PXDN: variants seen among roughly 807,000 people sequenced by gnomAD.
The protein encoded by PXDN is peroxidasin homolog.
In PXDN, 77 loss-of-function variants were observed where a neutral mutation model predicts 140.3. The observed-to-expected ratio is 0.55, with a 90% confidence interval of 0.46 to 0.66. The LOEUF is 0.66. PXDN is among the 30% of genes least tolerant of loss of function. PXDN has a pLI of 0.00. For missense variants in PXDN, 1,838 were observed against 2,039.5 expected, an observed-to-expected ratio of 0.90 and a Z score of 1.90; for synonymous variants, 911 against 857.4, an observed-to-expected ratio of 1.06 and a Z score of -1.09.
intron 14 of PXDN, 68 bp from the exon 15 acceptor site, chr2:1,654,576 G>C (rs1265280370): frequency 9.8e-7 from 1 of 1,015,590 alleles, no homozygotes; most frequent in African/African-American, 1.6e-5. Context: ...ATGATGTCTA[G>C]ACACTACATC....
intron 1 of PXDN, among the ~76,000 whole-genome samples, chr2:1,720,701 ATC>A (rs140542607): frequency 0.087 from 8,337 of 96,222 alleles, 863 homozygotes; most frequent in African/African-American, 0.26. Flanking sequence ...CTCTCTCTGC[ATC>A]TCTTTCTCTC....
chr2:1,705,996 T>C (rs1035011559), intron 1 of PXDN, among the ~76,000 whole-genome samples: 18 of 97,782 alleles, frequency 1.8e-4, no homozygotes, highest in Non-Finnish European at 3.4e-4. Flanking sequence ...CCATGTGGCT[T>C]GGACACCGTC....
intron 16 of PXDN, 114 bp downstream of exon 16, chr2:1,653,514 A>C: frequency 1.4e-6 from 2 of 1,385,386 alleles, no homozygotes; most frequent in Non-Finnish European, 2.0e-6. Flanking sequence ...ACAGTTCATA[A>C]GCACAGTGGG....
intron 1 of PXDN, among the ~76,000 whole-genome samples, chr2:1,737,162 G>A (rs935988957): frequency 2.0e-5 from 3 of 152,140 alleles, no homozygotes; most frequent in African/African-American, 7.2e-5. Context: ...AGTCAGATCT[G>A]GAATAAACAA....
chr2:1,666,481 G>A lies in PXDN; in HGVS notation c.1024C>T (p.Pro342Ser), dbSNP rs951732926. The change falls in exon 10 of 23, where the codon CCC (proline) becomes TCC (serine). Residue 342 changes from proline to serine, a missense_variant. Transcript: ENST00000252804. ...TTCTGTGGCTGGATTACAAAAGTGG[G>A]TCGAGCTGTCACAATTAAACAGAAA... The part of the protein sequence containing the change: ...TLRYFGSPAR[P>S]TFVIQPQNTE... 32 of 1,590,380 alleles carry A rather than the reference G, an allele frequency of 2.0e-5. No homozygotes were observed. Among genetic ancestry groups the A allele is most frequent in the Non-Finnish European group, 2.5e-5 (29 of 1,161,278 alleles).
In PXDN at chr2:1,650,535, C is replaced by T. The variant is rs1682992131; in HGVS notation, c.2105-860G>A. Among the ~76,000 whole-genome samples, 5 of 152,184 alleles carry T rather than the reference C, an allele frequency of 3.3e-5. No individual in the cohort carries two copies. The South Asian group carries it at 1.0e-3, about 32-fold the overall frequency. On this transcript the variant is annotated intron_variant, in intron 16 of 22. Coordinates refer to ENST00000252804, the MANE Select transcript of PXDN (RefSeq NM_012293.3). ...AGTCTTCGCCTTCAAGACACCTGCT[C>T]CAAGCAACAGCTACTCCACGTCCTG... is the stretch of plus-strand genomic sequence containing the variant.
chr2:1,717,928 C>T lies in PXDN; in HGVS notation c.201-24794G>A, dbSNP rs150360023. Among the ~76,000 whole-genome samples, 13 of 151,844 alleles carry T rather than the reference C, an allele frequency of 8.6e-5. No homozygotes were observed. The East Asian group carries it at 2.5e-3, about 30-fold the overall frequency. On this transcript the variant is annotated intron_variant, in intron 1 of 22. Coordinates refer to ENST00000252804, the MANE Select transcript of PXDN (RefSeq NM_012293.3). ...TAACCGACCACCCAAAGCTATTCTACTAACCAACTACCCAAACCTGCTCTA... is the reference window on the plus strand; with the variant it reads ...TAACCGACCACCCAAAGCTATTCTATTAACCAACTACCCAAACCTGCTCTA...
chr2:1,648,614 C>T lies in PXDN; in HGVS notation c.3166G>A (p.Gly1056Ser), dbSNP rs759881927. 9 of 1,611,218 alleles carry T rather than the reference C, an allele frequency of 5.6e-6. No individual in the cohort carries two copies. The highest frequency in any genetic ancestry group is 3.3e-5 in the South Asian group (3 of 90,780). The stretch of plus-strand genomic sequence containing the variant: ...GCGTTGAAGATGCCAGCATTGATGC[C>T]GGGGTCGTAGCCGTGGTACTCTCCC... ...TLGEYHGYDP[G>S]INAGIFNAFA... The change falls in exon 17 of 23, where the codon GGC (glycine) becomes AGC (serine). Residue 1056 changes from glycine to serine, a missense_variant. By Grantham distance (56) the Gly-to-Ser change is moderately conservative (BLOSUM62 0). This residue lies in a region of PXDN where 850 missense variants were observed against 894.1 expected (regional missense o/e 0.95). Transcript: ENST00000252804. This position sits in a 1 kb window ranked among gnomAD's most constrained non-coding sequence, Gnocchi z 8.9.
In PXDN at chr2:1,639,613, C is replaced by T. The variant is rs1473638097; in HGVS notation, c.3953-191G>A. ...TGGTCTGAGGGGCCAAGCCTCTCTC[C>T]ACCTGTGCCCCAGCCCTCATGACCT... On this transcript the variant is annotated intron_variant, in intron 19 of 22. Transcript: ENST00000252804. The surrounding 1 kb of genome is among the most constrained non-coding windows in gnomAD (Gnocchi z 5.0). 6.6e-6 allele frequency among the ~76,000 whole-genome samples: 1 copy of T among 152,180 alleles called. No individual in the cohort carries two copies. The highest frequency in any genetic ancestry group is 1.5e-5 in the Non-Finnish European group (1 of 68,024).
chr2:1,663,038 C>G (rs1683342987), intron 12 of PXDN, among the ~76,000 whole-genome samples: 1 of 152,200 alleles, frequency 6.6e-6, no homozygotes, highest in Admixed American at 6.5e-5. Context: ...CTTGCAGAGG[C>G]CACAATCAGT....
At chr2:1,736,540 GC>G (rs1014680078) in intron 1 of PXDN, among the ~76,000 whole-genome samples, 1 of 152,120 alleles carries the variant, frequency 6.6e-6, no homozygotes, top group African/African-American at 2.4e-5. Context: ...CTGATTACAA[GC>G]CAGCCACATG....
rs1558505644 is a variant in PXDN, at chr2:1,680,155, T to A, written c.730+38A>T. The A allele has an allele frequency of 2.0e-6, 3 of 1,512,168 alleles. No homozygotes were observed. In the South Asian group the frequency reaches 3.8e-5, roughly 19 times the overall value. The allele number at this position is 1,512,168 out of a possible 1,614,324, so 93.7% of individuals were successfully genotyped here. Reference sequence around the variant, plus strand: ...GTGGATGGTGTGTGTGTAGATGGTGTGAGTGTGTGGATGGTGTGTGCGTGT... The same window carrying A: ...GTGGATGGTGTGTGTGTAGATGGTGAGAGTGTGTGGATGGTGTGTGCGTGT... On this transcript the variant is annotated intron_variant, in intron 7 of 22. Coordinates refer to ENST00000252804, the MANE Select transcript of PXDN (RefSeq NM_012293.3).
chr2:1,687,837 G>C lies in PXDN; in HGVS notation c.345-134C>G, dbSNP rs944268366. Reference sequence around the variant, plus strand: ...GTATTAGAATGCAAACAAACCATCTGCACGGTGAGTACAGTGCCTCTCCCA... The same window carrying C: ...GTATTAGAATGCAAACAAACCATCTCCACGGTGAGTACAGTGCCTCTCCCA... On this transcript the variant is annotated intron_variant, in intron 3 of 22. Transcript: ENST00000252804. The surrounding 1 kb of genome is among the most constrained non-coding windows in gnomAD (Gnocchi z 4.0). 1 of 649,580 alleles carries C rather than the reference G, an allele frequency of 1.5e-6. No individual in the cohort carries two copies. The highest frequency in any genetic ancestry group is 2.4e-5 in the Admixed American group (1 of 40,986). The allele number at this position is 649,580 out of a possible 1,614,324, so 40.2% of individuals were successfully genotyped here.
intron 16 of PXDN, among the ~76,000 whole-genome samples, chr2:1,652,167 C>T (rs1466701972): frequency 6.6e-6 from 1 of 152,190 alleles, no homozygotes; most frequent in Non-Finnish European, 1.5e-5. Flanking sequence ...TTCCAACAGC[C>T]TGCCTTTGAG....
intron 14 of PXDN, among the ~76,000 whole-genome samples, chr2:1,657,288 CCCCCTCCTGACAGGGACCTG>C (rs1359445057): frequency 1.3e-5 from 2 of 149,718 alleles, no homozygotes; most frequent in Admixed American, 6.6e-5. Context: ...CTGAAACCAG[CCCCCTCCTGACAGGGACCTG>C]CCCCTCCTGA....
At chr2:1,698,348 G>A (rs1489789828) in intron 1 of PXDN, among the ~76,000 whole-genome samples, 2 of 152,058 alleles carry the variant, frequency 1.3e-5, no homozygotes, top group Non-Finnish European at 2.9e-5. Flanking sequence ...GGAGAAGATC[G>A]GTGCATACAG....
rs369631419 is a variant in PXDN, at chr2:1,653,635, G to A, written c.2097C>T (p.Asn699=). The A allele has an allele frequency of 2.3e-4, 364 of 1,612,636 alleles. No individual in the cohort carries two copies. The highest frequency in any genetic ancestry group is 1.5e-3 in the Admixed American group (91 of 59,904). ...HVQHGLMVDL[N]GTSYHYNDLV... ...AAAGGCTTTGGCACTGACTTGTTCC[G>A]TTGAGGTCGACCATCAAGCCATGCT... The change falls in exon 16 of 23, where the codon AAC becomes AAT. Residue 699 remains asparagine (N), a synonymous_variant. Coordinates refer to ENST00000252804, the MANE Select transcript of PXDN (RefSeq NM_012293.3).
In PXDN at chr2:1,687,062, C is replaced by T. The variant is rs1638604061; in HGVS notation, c.416+570G>A. ...AAAAATCAACACGCTGACTTCACAG[C>T]AAAGTACGACTTCACGTTGGCCAAA... On this transcript the variant is annotated intron_variant, in intron 4 of 22. Transcript: ENST00000252804. The surrounding 1 kb of genome is among the most constrained non-coding windows in gnomAD (Gnocchi z 4.0). 1.3e-5 allele frequency among the ~76,000 whole-genome samples: 2 copies of T among 152,226 alleles called. No individual in the cohort carries two copies. The highest frequency in any genetic ancestry group is 2.1e-4 in the South Asian group (1 of 4,836).
chr2:1,673,243 A>G (rs1683617653), intron 9 of PXDN, among the ~76,000 whole-genome samples: 1 of 152,216 alleles, frequency 6.6e-6, no homozygotes, highest in Non-Finnish European at 1.5e-5. Flanking sequence ...TTTCTTTTAC[A>G]TAATCCAAGC....
Sources: gnomAD v4.1 joint callset for allele counts (sites outside exome capture counted in the v4.1 genomes callset) on GRCh38, gnomAD v4.1.1 for gene constraint, gnomAD v4.1.1 regional missense constraint, Gnocchi (gnomAD v3.1) non-coding constraint, MANE v1.5 for transcripts, NCBI Gene and HGNC (gene_info 2026-07-23, HGNC 2026-07-21) for gene names.